Variants in IRAK2 observed in about 807,000 individuals in gnomAD.
IRAK2 encodes interleukin-1 receptor-associated kinase-like 2.
In IRAK2, 57 loss-of-function variants were observed where a neutral mutation model predicts 72.0. The observed-to-expected ratio is 0.79, with a 90% CI of 0.64 to 0.99. The LOEUF (loss-of-function observed/expected upper bound fraction) is 0.99, where lower values mean the gene tolerates loss of function less well. Ranked by LOEUF, IRAK2 falls within the 50% of genes least tolerant of loss-of-function variation. The probability of loss-of-function intolerance (pLI) is 0.00; values close to 1 mark genes in which losing one functional copy is unlikely to be tolerated. For synonymous variants in IRAK2, 293 were observed against 312.7 expected (o/e 0.94, Z 0.67); for missense variants, 790 against 794.4 (o/e 0.99, Z 0.07).
intron 12 of IRAK2, among the ~76,000 whole-genome samples, chr3:10,239,814 C>A (rs1210648633): frequency 6.6e-6 from 1 of 152,092 alleles, no homozygotes; most frequent in Non-Finnish European, 1.5e-5. Context: ...GTCTGCCTCT[C>A]CTCTCAACAC....
chr3:10,177,174 C>A (rs1387692162), intron 1 of IRAK2, among the ~76,000 whole-genome samples: 2 of 152,138 alleles, frequency 1.3e-5, no homozygotes, highest in African/African-American at 4.8e-5. Flanking sequence ...TGAGCTCCAG[C>A]AATCCCTCCT....
intron 1 of IRAK2, among the ~76,000 whole-genome samples, chr3:10,167,655 T>C (rs1278320375): frequency 6.6e-6 from 1 of 152,172 alleles, no homozygotes; most frequent in Non-Finnish European, 1.5e-5. Flanking sequence ...GACCGTGTAA[T>C]CCACCTACCT....
rs1299548695 is a variant in IRAK2 at position 10,176,083 on chromosome 3, T to TC, written c.95-1755_95-1754insC. On this transcript the variant is annotated intron_variant, in intron 1 of 12. Coordinates refer to ENST00000256458, the MANE Select transcript of IRAK2 (RefSeq NM_001570.4). ...TGTCCATGTTTTTTTTTTTTTTTTTTTTTTTTGGTGAACAACCATCAATTT... is the reference window on the plus strand; with the variant it reads ...TGTCCATGTTTTTTTTTTTTTTTTTTCTTTTTTGGTGAACAACCATCAATTT... Among the ~76,000 whole-genome samples, 5 of 149,312 alleles carry TC rather than the reference T, an allele frequency of 3.3e-5. No individual in the cohort carries two copies. The East Asian group carries it at 7.8e-4, about 23-fold the overall frequency.
At chr3:10,234,772 A>G in intron 11 of IRAK2, 113 bp downstream of exon 11, 4 of 941,684 alleles carry the variant, frequency 4.2e-6, no homozygotes, top group African/African-American at 1.6e-5. Flanking sequence ...CTTGCTTGCA[A>G]GCCGCAGAAC....
At chr3:10,190,415 G>A (rs1169973708) in intron 2 of IRAK2, among the ~76,000 whole-genome samples, 1 of 151,266 alleles carries the variant, frequency 6.6e-6, no homozygotes, top group Non-Finnish European at 1.5e-5. Context: ...CGAGTAGCTG[G>A]GACTACTGGC....
intron 2 of IRAK2, among the ~76,000 whole-genome samples, chr3:10,199,549 T>C (rs917583688): frequency 1.3e-5 from 2 of 152,120 alleles, no homozygotes; most frequent in African/African-American, 4.8e-5. Context: ...TTGTCTCCAC[T>C]GCGTGAAAGG....
intron 1 of IRAK2, among the ~76,000 whole-genome samples, chr3:10,171,995 T>C (rs1696801239): frequency 6.6e-6 from 1 of 152,154 alleles, no homozygotes; most frequent in East Asian, 2.0e-4. Context: ...CTCAGCACTT[T>C]GGGAGGCCAA....
chr3:10,206,145 T>C (rs1274165610), intron 3 of IRAK2, among the ~76,000 whole-genome samples: 1 of 152,176 alleles, frequency 6.6e-6, no homozygotes, highest in Non-Finnish European at 1.5e-5. Context: ...TGGTGCGCCA[T>C]TTCCGAGGAA....
At chr3:10,180,424 C>G (rs1696942956) in intron 2 of IRAK2, among the ~76,000 whole-genome samples, 1 of 152,074 alleles carries the variant, frequency 6.6e-6, no homozygotes. Flanking sequence ...GATAGGGGAG[C>G]CTCCTAGGAC....
At chr3:10,178,789 T>C (rs1231187219) in intron 2 of IRAK2, among the ~76,000 whole-genome samples, 1 of 152,160 alleles carries the variant, frequency 6.6e-6, no homozygotes, top group African/African-American at 2.4e-5. Flanking sequence ...GTATTATATA[T>C]CTGCAATTCC....
chr3:10,193,803 G>A (rs986018451), intron 2 of IRAK2, among the ~76,000 whole-genome samples: 3 of 152,224 alleles, frequency 2.0e-5, no homozygotes, highest in African/African-American at 7.2e-5. Flanking sequence ...ACTGAGGCTG[G>A]CTGCCAATGG....
In IRAK2 at chr3:10,186,493, T is replaced by C. The variant is rs1380361357; in HGVS notation, c.277+8473T>C. ...TTAGCCTCGCCTCCTCACCCCCCAA[T>C]TTAATGTGCTTACCTGGAGCTTCCC... On this transcript the variant is annotated intron_variant, in intron 2 of 12. Transcript: ENST00000256458. Among the ~76,000 whole-genome samples, 3 of 151,650 alleles carry C rather than the reference T, an allele frequency of 2.0e-5. No homozygotes were observed. In the East Asian group the frequency reaches 5.8e-4, roughly 29 times the overall value.
chr3:10,193,036 C>T (rs940630503), intron 2 of IRAK2, among the ~76,000 whole-genome samples: 1 of 152,142 alleles, frequency 6.6e-6, no homozygotes, highest in African/African-American at 2.4e-5. Flanking sequence ...TTAGGAGGAT[C>T]CCCCTGCTGG....
intron 1 of IRAK2, among the ~76,000 whole-genome samples, chr3:10,171,466 T>C (rs1167750171): frequency 5.3e-5 from 8 of 152,064 alleles, no homozygotes; most frequent in Non-Finnish European, 1.2e-4. Context: ...CTAAGATGGG[T>C]CATTTCAGGA....
rs143614207 is a variant in IRAK2 at position 10,201,945 on chromosome 3, A to C, written c.424+1430A>C. Among the ~76,000 whole-genome samples, 416 of 152,322 alleles carry C rather than the reference A, an allele frequency of 2.7e-3. 2 individuals are homozygous for C. The highest frequency in any genetic ancestry group is 0.017 in the Middle Eastern group (5 of 294). On this transcript the variant is annotated intron_variant, in intron 3 of 12. Transcript: ENST00000256458. Reference sequence around the variant, plus strand: ...TTTTGTAGAATGACTTAGCGTTTGTACCTCAGTTTACTCATTTGTAAAATG... The same window carrying C: ...TTTTGTAGAATGACTTAGCGTTTGTCCCTCAGTTTACTCATTTGTAAAATG...
chr3:10,235,959 C>A (rs1697950903), intron 11 of IRAK2, among the ~76,000 whole-genome samples: 1 of 152,150 alleles, frequency 6.6e-6, no homozygotes, highest in Admixed American at 6.5e-5. Context: ...GTCATTCATT[C>A]CGCAGTTGTA....
chr3:10,199,723 G>A (rs1032476977), intron 2 of IRAK2, among the ~76,000 whole-genome samples: 9 of 151,984 alleles, frequency 5.9e-5, no homozygotes, highest in Non-Finnish European at 1.5e-5. Context: ...GGAGGCAAAC[G>A]GACGCCATTA....
In IRAK2 at chr3:10,197,873, A is replaced by G. The variant is rs559701146; in HGVS notation, c.278-2496A>G. Among the ~76,000 whole-genome samples the G allele has an allele frequency of 1.9e-4, 28 of 146,800 alleles. No homozygotes were observed. In the South Asian group the frequency reaches 5.9e-3, roughly 31 times the overall value. On this transcript the variant is annotated intron_variant, in intron 2 of 12. Coordinates refer to ENST00000256458, the MANE Select transcript of IRAK2 (RefSeq NM_001570.4). ...TCTCAAAAAAAAAAAAAAATTATTT[A>G]AAATATCAGTGACAGTAAAGAAAAC...
chr3:10,208,619 T>A (rs369754415), intron 3 of IRAK2, among the ~76,000 whole-genome samples: 2 of 151,152 alleles, frequency 1.3e-5, no homozygotes, highest in African/African-American at 2.5e-5. Context: ...AAAAATTAGC[T>A]GGGTGTGGTG....
Sources: gnomAD v4.1 joint callset for allele counts (sites outside exome capture counted in the v4.1 genomes callset) on GRCh38, gnomAD v4.1.1 for gene constraint, MANE v1.5 for transcripts, NCBI Gene and HGNC (gene_info 2026-07-23, HGNC 2026-07-21) for gene names.